Variants in PPP1R16B observed in about 807,000 individuals in gnomAD.
The protein encoded by PPP1R16B is protein phosphatase 1 regulatory inhibitor subunit 16B.
Under a neutral mutation model 61.7 loss-of-function variants are expected in PPP1R16B, and 14 were observed. The observed-to-expected ratio is 0.23, with a 90% CI of 0.15 to 0.35. The LOEUF is 0.35. Ranked by LOEUF, PPP1R16B falls within the 10% of genes least tolerant of loss-of-function variation. PPP1R16B has a pLI of 1.00. For synonymous variants in PPP1R16B, 266 were observed against 305.3 expected (o/e 0.87, Z 1.34); for missense variants, 547 against 752.5 (o/e 0.73, Z 3.19).
intron 1 of PPP1R16B, among the ~76,000 whole-genome samples, chr20:38,813,755 C>A (rs1024633705): frequency 8.9e-6 from 1 of 112,222 alleles, no homozygotes. Flanking sequence ...GGGGTGACAT[C>A]ATCATCATCA....
intron 2 of PPP1R16B, among the ~76,000 whole-genome samples, chr20:38,882,268 G>A (rs1353761409): frequency 6.6e-6 from 1 of 152,176 alleles, no homozygotes; most frequent in Non-Finnish European, 1.5e-5. Context: ...AGTGTTGGGT[G>A]GGGCTGAAGG....
chr20:38,809,134 T>C (rs2084682263), intron 1 of PPP1R16B, among the ~76,000 whole-genome samples: 1 of 152,122 alleles, frequency 6.6e-6, no homozygotes. Flanking sequence ...CTCCTTTGTG[T>C]TGGACTCTCA....
At position 38,831,425 on chromosome 20, in the gene PPP1R16B, G is replaced by A. The variant is rs2084836514; in HGVS notation, c.-101-4400G>A. On this transcript the variant is annotated intron_variant, in intron 1 of 10. Transcript: ENST00000299824. ...TGTGTTCACCCTGCTGTGTGTTGGG[G>A]AGACTCACAGGCTCTCTTTCCTTTC... is the stretch of plus-strand genomic sequence containing the variant. Among the ~76,000 whole-genome samples the A allele has an allele frequency of 3.3e-5, 5 of 152,240 alleles. No homozygotes were observed. The South Asian group carries it at 1.0e-3, about 31-fold the overall frequency.
In PPP1R16B at chr20:38,920,828, G is replaced by C. The variant is rs1308954199; in HGVS notation, c.*2162G>C. 1 of 152,330 alleles carries C rather than the reference G, an allele frequency of 6.6e-6. No individual in the cohort carries two copies. Among genetic ancestry groups the C allele is most frequent in the African/African-American group, 2.4e-5 (1 of 41,446 alleles). The allele number at this position is 152,330 out of a possible 1,614,324, so 9.4% of individuals were successfully genotyped here. ...TCTTCAACATCTCAGGCTGTGGCTGGAACAGGACAGGATGATCTAAAACAC... is the reference window on the plus strand; with the variant it reads ...TCTTCAACATCTCAGGCTGTGGCTGCAACAGGACAGGATGATCTAAAACAC... On this transcript the variant is annotated 3_prime_UTR_variant, in exon 11 of 11. Coordinates refer to ENST00000299824, the MANE Select transcript of PPP1R16B (RefSeq NM_015568.4).
Position 38,902,791 on chromosome 20 carries a change from T to A in PPP1R16B, c.695T>A (p.Leu232Gln). 6.2e-7 allele frequency: 1 copy of A among 1,614,150 alleles called. No homozygotes were observed. The highest frequency in any genetic ancestry group is 8.5e-7 in the Non-Finnish European group (1 of 1,180,014). The change falls in exon 6 of 11, where the codon CTG (leucine) becomes CAG (glutamine). Residue 232 changes from leucine (L) to glutamine (Q), a missense_variant and splice_region_variant. By Grantham distance (113) the Leu-to-Gln change is moderately radical. Transcript: ENST00000299824. ...LDWIDAQGAT[L>Q]LHIAGANGYL... ...TGGATAGATGCCCAGGGTGCCACACTGGTGAGGAGATGGGCCAGTACCAAA... is the reference window on the plus strand; with the variant it reads ...TGGATAGATGCCCAGGGTGCCACACAGGTGAGGAGATGGGCCAGTACCAAA...
intron 2 of PPP1R16B, among the ~76,000 whole-genome samples, chr20:38,838,662 G>A (rs1001892613): frequency 6.6e-6 from 1 of 152,226 alleles, no homozygotes; most frequent in Admixed American, 6.5e-5. Flanking sequence ...GTTGGGGGCG[G>A]AAGTTCATCA....
At chr20:38,836,569 G>A (rs1320926147) in intron 2 of PPP1R16B, among the ~76,000 whole-genome samples, 1 of 152,160 alleles carries the variant, frequency 6.6e-6, no homozygotes, top group African/African-American at 2.4e-5. Flanking sequence ...TGTTGCCCTG[G>A]CTGGTCTCGA....
rs368927917 is a variant in PPP1R16B at position 38,918,488 on chromosome 20, C to T, written c.1526C>T (p.Thr509Met). ...CACCTGGGCAGCAGCATGGCCAGGA[C>T]GGGCGAGAGTAGCAGTGAAGGCAAG... ...STHLGSSMARTGESSSEGKAP... is the reference protein window; with the variant it reads ...STHLGSSMARMGESSSEGKAP... The change falls in exon 11 of 11, where the codon ACG becomes ATG. Residue 509 changes from threonine to methionine, a missense_variant. Transcript: ENST00000299824. The surrounding 1 kb of genome is among the most constrained non-coding windows in gnomAD (Gnocchi z 5.3). The T allele has an allele frequency of 7.4e-5, 119 of 1,611,714 alleles. No homozygotes were observed. The highest frequency in any genetic ancestry group is 1.7e-4 in the Middle Eastern group (1 of 6,040).
chr20:38,905,976 T>C lies in PPP1R16B; in HGVS notation c.704T>C (p.Ile235Thr). ...TTCTTTCCTCTCCTCCAGCTGCACA[T>C]AGCTGGAGCCAATGGATACCTGCGG... ...IDAQGATLLH[I>T]AGANGYLRAA... The change falls in exon 7 of 11, where the codon ATA becomes ACA. Residue 235 changes from isoleucine to threonine, a missense_variant. By Grantham distance (89) the Ile-to-Thr change is moderately conservative. Coordinates refer to ENST00000299824, the MANE Select transcript of PPP1R16B (RefSeq NM_015568.4). 6.2e-7 allele frequency: 1 copy of C among 1,613,046 alleles called. No individual in the cohort carries two copies. Among genetic ancestry groups the C allele is most frequent in the Non-Finnish European group, 8.5e-7 (1 of 1,179,584 alleles).
At chr20:38,902,603 C>T (rs1271157804) in intron 5 of PPP1R16B, 65 bp from the exon 6 acceptor site, 1 of 1,604,220 alleles carries the variant, frequency 6.2e-7, no homozygotes, top group Non-Finnish European at 8.5e-7. Flanking sequence ...CCTCATCTGC[C>T]TTCCCCTGCC....
chr20:38,869,159 T>TA (rs904846915), intron 2 of PPP1R16B, among the ~76,000 whole-genome samples: 7 of 151,644 alleles, frequency 4.6e-5, no homozygotes, highest in Non-Finnish European at 8.8e-5. Flanking sequence ...CATTTTATTT[T>TA]TTTTTATTTA....
chr20:38,896,868 C>T (rs1018176427), intron 4 of PPP1R16B, among the ~76,000 whole-genome samples: 1 of 152,168 alleles, frequency 6.6e-6, no homozygotes, highest in Non-Finnish European at 1.5e-5. Flanking sequence ...TCAGAAAGGC[C>T]GGGCACGGTA....
intron 2 of PPP1R16B, among the ~76,000 whole-genome samples, chr20:38,872,004 A>G (rs1299070778): frequency 2.0e-5 from 3 of 152,162 alleles, no homozygotes; most frequent in African/African-American, 4.8e-5. Context: ...TCTTTTTCAC[A>G]CTAAATCTTC....
intron 4 of PPP1R16B, among the ~76,000 whole-genome samples, chr20:38,897,327 A>T (rs1295157539): frequency 6.6e-6 from 1 of 152,162 alleles, no homozygotes; most frequent in Non-Finnish European, 1.5e-5. Context: ...ACACCATCTT[A>T]AAAAAACAAG....
chr20:38,835,348 C>T (rs1305229365), intron 1 of PPP1R16B, among the ~76,000 whole-genome samples: 1 of 152,120 alleles, frequency 6.6e-6, no homozygotes, highest in African/African-American at 2.4e-5. Context: ...CCTCCCTGCA[C>T]CCCTTCTGAT....
intron 2 of PPP1R16B, among the ~76,000 whole-genome samples, chr20:38,851,505 G>A (rs940810639): frequency 1.3e-5 from 2 of 151,614 alleles, no homozygotes; most frequent in African/African-American, 4.8e-5. Context: ...CTTAGAAGAC[G>A]ATTTCTCTCT....
chr20:38,914,333 A>G (rs1307017190), intron 10 of PPP1R16B, among the ~76,000 whole-genome samples: 5 of 152,168 alleles, frequency 3.3e-5, no homozygotes, highest in Non-Finnish European at 7.4e-5. Flanking sequence ...TGGAAATCCT[A>G]TGGGGAAGGG....
intron 2 of PPP1R16B, among the ~76,000 whole-genome samples, chr20:38,851,985 A>G (rs570988064): frequency 6.6e-6 from 1 of 152,306 alleles, no homozygotes; most frequent in South Asian, 2.1e-4. Context: ...GTAAGTCACA[A>G]TTGTGCCACT....
At chr20:38,873,747 T>TTTTG (rs1031558340) in intron 2 of PPP1R16B, among the ~76,000 whole-genome samples, 3 of 150,558 alleles carry the variant, frequency 2.0e-5, no homozygotes, top group African/African-American at 4.9e-5. Flanking sequence ...TTTTTTGTTT[T>TTTTG]TTTTTTTTTG....
Sources: allele counts gnomAD v4.1 joint callset (sites outside exome capture counted in the v4.1 genomes callset), GRCh38; gene constraint gnomAD v4.1.1; non-coding constraint Gnocchi (gnomAD v3.1); transcripts MANE v1.5; gene names NCBI Gene and HGNC (gene_info 2026-07-23, HGNC 2026-07-21).